The following SLC39A12 variants were observed in gnomAD, a reference collection of about 807,000 sequenced individuals.
The protein encoded by SLC39A12 is solute carrier family 39 member 12, also known as zinc transporter ZIP12.
In SLC39A12, 63 loss-of-function variants were observed where a neutral mutation model predicts 71.1. That is an observed-to-expected ratio of 0.89 (90% CI 0.72 to 1.09). The LOEUF is 1.09. SLC39A12 is among the 50% of genes least tolerant of loss of function. The pLI, the probability that SLC39A12 is intolerant of heterozygous loss-of-function variation, is 0.00. For missense variants in SLC39A12, 892 were observed against 812.6 expected (o/e 1.10, Z -1.19); for synonymous variants, 351 against 301.3 (o/e 1.16, Z -1.71).
intron 3 of SLC39A12, 23 bp downstream of exon 3, chr10:17,961,885 T>G: frequency 6.2e-7 from 1 of 1,600,832 alleles, no homozygotes; most frequent in Non-Finnish European, 8.5e-7. Context: ...AATTGCTAAC[T>G]GGCTCTGCTG....
In SLC39A12 at chr10:18,000,672, G is replaced by T. The variant is rs150194057; in HGVS notation, c.1606G>T (p.Ala536Ser). Residue 536 changes from alanine to serine, a missense_variant, in exon 11 of 13, where the codon GCC (alanine) becomes TCC (serine). Physicochemically the swap from Ala to Ser is moderately conservative, Grantham distance 99. Coordinates refer to ENST00000377369, the MANE Select transcript of SLC39A12 (RefSeq NM_001145195.2). ...SMTASNRKCKAISLLAIMILV... is the reference protein window; with the variant it reads ...SMTASNRKCKSISLLAIMILV... ...GTGTTTATTTGGTTCCTTAGGTAAAGCCATTAGCTTGTTAGCAATCATGAT... is the reference window on the plus strand; with the variant it reads ...GTGTTTATTTGGTTCCTTAGGTAAATCCATTAGCTTGTTAGCAATCATGAT... 42 of 1,614,048 alleles carry T rather than the reference G, an allele frequency of 2.6e-5. No homozygotes were observed. In the African/African-American group the frequency reaches 3.5e-4, roughly 13 times the overall value.
At chr10:17,960,331 G>A (rs1834655974) in intron 2 of SLC39A12, among the ~76,000 whole-genome samples, 1 of 152,174 alleles carries the variant, frequency 6.6e-6, no homozygotes, top group Admixed American at 6.5e-5. Flanking sequence ...CTTTTAGATA[G>A]TAAGGCGAAA....
intron 12 of SLC39A12, among the ~76,000 whole-genome samples, chr10:18,036,780 A>ATTTTTT (rs1564665960): frequency 1.7e-3 from 12 of 7,052 alleles, no homozygotes; most frequent in African/African-American, 7.4e-3. Context: ...ATATATATAT[A>ATTTTTT]TATATATATA....
At chr10:18,027,622 AC>A (rs1836715226) in intron 12 of SLC39A12, among the ~76,000 whole-genome samples, 1 of 152,150 alleles carries the variant, frequency 6.6e-6, no homozygotes, top group South Asian at 2.1e-4. Context: ...TTAACCTTCC[AC>A]TGACTGGTTC....
chr10:18,041,034 G>C (rs941216572), intron 12 of SLC39A12, among the ~76,000 whole-genome samples: 2 of 151,982 alleles, frequency 1.3e-5, no homozygotes, highest in Non-Finnish European at 2.9e-5. Context: ...AGGATGATCT[G>C]GCCCAAAATG....
At chr10:17,961,446 T>A in intron 2 of SLC39A12, 135 bp from the exon 3 acceptor site, 1 of 779,938 alleles carries the variant, frequency 1.3e-6, no homozygotes, top group South Asian at 2.0e-5. Context: ...TCTCTGAATC[T>A]GGCTATTGGT....
intron 12 of SLC39A12, among the ~76,000 whole-genome samples, chr10:18,008,265 A>G (rs1350311957): frequency 6.6e-6 from 1 of 152,154 alleles, no homozygotes; most frequent in African/African-American, 2.4e-5. Context: ...CAGCGGGGGC[A>G]TTAGGTTCTC....
At chr10:17,974,505 A>G (rs1381608924) in intron 4 of SLC39A12, among the ~76,000 whole-genome samples, 1 of 152,208 alleles carries the variant, frequency 6.6e-6, no homozygotes, top group African/African-American at 2.4e-5. Context: ...AAACCCTGTT[A>G]ACACCGTAGT....
chr10:17,994,522 G>A (rs988951971), intron 9 of SLC39A12, among the ~76,000 whole-genome samples: 3 of 152,024 alleles, frequency 2.0e-5, no homozygotes, highest in African/African-American at 7.2e-5. Context: ...TGAAAAACAA[G>A]ACAAAACATT....
chr10:17,993,323 C>CA, intron 9 of SLC39A12, 32 bp downstream of exon 9: 1 of 1,345,668 alleles, frequency 7.4e-7, no homozygotes, highest in Non-Finnish European at 1.0e-6. Flanking sequence ...TTCTACTGAT[C>CA]TGATTACCTT....
intron 12 of SLC39A12, among the ~76,000 whole-genome samples, chr10:18,030,628 A>C (rs1166885106): frequency 3.2e-5 from 1 of 31,242 alleles, no homozygotes; most frequent in South Asian, 5.8e-4. Flanking sequence ...TTATGTATTT[A>C]TTTATTTATT....
chr10:17,965,061 G>A (rs950161771), intron 3 of SLC39A12, among the ~76,000 whole-genome samples: 2 of 152,092 alleles, frequency 1.3e-5, no homozygotes, highest in African/African-American at 2.4e-5. Flanking sequence ...ACAAAAATTA[G>A]CCAGGCGTGG....
intron 11 of SLC39A12, chr10:18,001,815 G>A (rs181495415): frequency 2.6e-5 from 4 of 151,920 alleles, no homozygotes; most frequent in African/African-American, 9.7e-5. Context: ...TATTGTTTGT[G>A]TTACAAACTA....
intron 12 of SLC39A12, among the ~76,000 whole-genome samples, chr10:18,038,869 A>G (rs1837139631): frequency 1.3e-5 from 2 of 152,284 alleles, no homozygotes; most frequent in South Asian, 2.1e-4. Context: ...TGAGGCAAAG[A>G]TGGAAATTCA....
chr10:17,990,476 T>C (rs1288198529), intron 7 of SLC39A12, among the ~76,000 whole-genome samples: 2 of 152,270 alleles, frequency 1.3e-5, no homozygotes, highest in Non-Finnish European at 2.9e-5. Flanking sequence ...TTGCCTTCTC[T>C]AAGAGAAGGG....
chr10:18,027,234 TC>T (rs1437758090), intron 12 of SLC39A12, among the ~76,000 whole-genome samples: 1 of 152,226 alleles, frequency 6.6e-6, no homozygotes, highest in East Asian at 1.9e-4. Flanking sequence ...ATGAACTTCA[TC>T]AGTGTTTCTC....
At chr10:17,995,999 A>G (rs1283413053) in intron 10 of SLC39A12, among the ~76,000 whole-genome samples, 3 of 152,184 alleles carry the variant, frequency 2.0e-5, no homozygotes, top group African/African-American at 7.2e-5. Flanking sequence ...ATGTAAACAC[A>G]TGTGTGTTTA....
At chr10:18,011,438 G>T (rs1368181520) in intron 12 of SLC39A12, among the ~76,000 whole-genome samples, 1 of 152,132 alleles carries the variant, frequency 6.6e-6, no homozygotes, top group South Asian at 2.1e-4. Context: ...TTACTTTATT[G>T]TAAGAATACT....
chr10:17,975,257 C>T (rs73605895), intron 4 of SLC39A12, among the ~76,000 whole-genome samples: 6,377 of 152,140 alleles, frequency 0.042, 465 homozygotes, highest in African/African-American at 0.15. Flanking sequence ...GCTTGGTGCT[C>T]TAACACACTG....
Sources: gnomAD v4.1 joint callset for allele counts (sites outside exome capture counted in the v4.1 genomes callset) on GRCh38, gnomAD v4.1.1 for gene constraint, MANE v1.5 for transcripts, NCBI Gene and HGNC (gene_info 2026-07-23, HGNC 2026-07-21) for gene names.